Variants in TBX19 observed in about 807,000 individuals in gnomAD.
TBX19 encodes the protein T-box transcription factor TBX19.
TBX19 carries 33 observed loss-of-function variants against 40.9 expected under a neutral mutation model. The ratio of observed to expected loss-of-function variants is 0.81; its 90% confidence interval spans 0.61 to 1.08. The LOEUF (loss-of-function observed/expected upper bound fraction) is 1.08. TBX19 is among the 50% of genes least tolerant of loss of function. The pLI is 0.00. For synonymous variants in TBX19, 220 were observed against 225.0 expected (o/e 0.98, Z 0.20); for missense variants, 494 against 574.0 (o/e 0.86, Z 1.42).
Position 168,313,324 on chromosome 1 carries a change from T to C in TBX19, c.*322T>C. The C allele has an allele frequency of 2.4e-6, 1 of 408,740 alleles. No individual in the cohort carries two copies. The highest frequency in any genetic ancestry group is 4.6e-6 in the Non-Finnish European group (1 of 219,338). 25.3% of individuals were successfully genotyped at this position (408,740 alleles called of 1,614,324 possible). On this transcript the variant is annotated 3_prime_UTR_variant, in exon 8 of 8. Coordinates refer to ENST00000367821, the MANE Select transcript of TBX19 (RefSeq NM_005149.3). Reference sequence around the variant, plus strand: ...TCAAATCGTTCTGGAAAGCCTCACTTCCTTTTCTGTGGAGAAGGTGCAAAG... The same window carrying C: ...TCAAATCGTTCTGGAAAGCCTCACTCCCTTTTCTGTGGAGAAGGTGCAAAG...
intron 3 of TBX19, among the ~76,000 whole-genome samples, chr1:168,297,345 T>C (rs1476379735): frequency 6.6e-6 from 1 of 152,194 alleles, no homozygotes; most frequent in African/African-American, 2.4e-5. Flanking sequence ...TCACATGTAG[T>C]AGGGGATCAA....
intron 1 of TBX19, among the ~76,000 whole-genome samples, chr1:168,289,206 T>C (rs969303341): frequency 6.6e-5 from 10 of 152,218 alleles, no homozygotes; most frequent in Admixed American, 6.5e-4. Context: ...GATGCCCACT[T>C]TTATGATTCT....
chr1:168,301,768 T>TA (rs1440666534), intron 5 of TBX19, among the ~76,000 whole-genome samples: 1 of 152,238 alleles, frequency 6.6e-6, no homozygotes, highest in African/African-American at 2.4e-5. Context: ...CTGTCTACTG[T>TA]AACATGAGCT....
rs1337370108 is a variant in TBX19, at chr1:168,304,898, G to A, written c.728-110G>A. On this transcript the variant is annotated intron_variant, in intron 5 of 7. Coordinates refer to ENST00000367821, the MANE Select transcript of TBX19 (RefSeq NM_005149.3). ...CAGGCTGGCACCATCACACAGGCTG[G>A]CATCAGTGTCATTTACAAGAATTGT... 5 of 1,096,712 alleles carry A rather than the reference G, an allele frequency of 4.6e-6. No individual in the cohort carries two copies. The East Asian group carries it at 1.2e-4, about 26-fold the overall frequency. The allele number at this position is 1,096,712 out of a possible 1,614,324, so 67.9% of individuals were successfully genotyped here.
chr1:168,291,059 C>A lies in TBX19; in HGVS notation c.204-101C>A. 6 of 1,539,448 alleles carry A rather than the reference C, an allele frequency of 3.9e-6. No individual in the cohort carries two copies. The Admixed American group carries it at 1.0e-4, about 26-fold the overall frequency. ...GGGCCCTGTTTATTTGGCCTCCTCA[C>A]AGGGCATTCCGTGGAAGGTCTCAGT... On this transcript the variant is annotated intron_variant, in intron 1 of 7. Coordinates refer to ENST00000367821, the MANE Select transcript of TBX19 (RefSeq NM_005149.3).
At chr1:168,303,311 G>T (rs999202271) in intron 5 of TBX19, among the ~76,000 whole-genome samples, 3 of 152,092 alleles carry the variant, frequency 2.0e-5, no homozygotes, top group African/African-American at 7.2e-5. Context: ...TTGTCCTTGC[G>T]ATAGTTTGCT....
At position 168,312,635 on chromosome 1, in the gene TBX19, A is replaced by G. The variant is rs911925114; in HGVS notation, c.1053-73A>G. ...CCATGCCCTTCTCAGCACTGTGTACATGCTTGTCAGGTGGCACTCCTTCCT... is the reference window on the plus strand; with the variant it reads ...CCATGCCCTTCTCAGCACTGTGTACGTGCTTGTCAGGTGGCACTCCTTCCT... On this transcript the variant is annotated intron_variant, in intron 7 of 7. Transcript: ENST00000367821. 9.7e-6 allele frequency: 15 copies of G among 1,548,268 alleles called. No individual in the cohort carries two copies. The African/African-American group carries it at 1.5e-4, about 15-fold the overall frequency.
In TBX19 at chr1:168,280,976, T is replaced by G; in HGVS notation, c.-115T>G. 3 of 988,810 alleles carry G rather than the reference T, an allele frequency of 3.0e-6. No individual in the cohort carries two copies. In the South Asian group the frequency reaches 4.1e-5, roughly 14 times the overall value. The allele number at this position is 988,810 out of a possible 1,614,324, so 61.3% of individuals were successfully genotyped here. On this transcript the variant is annotated 5_prime_UTR_variant, in exon 1 of 8. Coordinates refer to ENST00000367821, the MANE Select transcript of TBX19 (RefSeq NM_005149.3). The stretch of plus-strand genomic sequence containing the variant: ...CTTAGGCAAGAGCCAGGGTATCTTC[T>G]CTCCGCTCCCCAAGCACTGTTCAAG...
chr1:168,283,968 A>G (rs1648738641), intron 1 of TBX19, among the ~76,000 whole-genome samples: 1 of 152,220 alleles, frequency 6.6e-6, no homozygotes. Flanking sequence ...ACATATATAA[A>G]TAGGAAGCTT....
intron 4 of TBX19, among the ~76,000 whole-genome samples, chr1:168,299,422 A>G (rs1430892783): frequency 6.6e-6 from 1 of 152,160 alleles, no homozygotes; most frequent in Non-Finnish European, 1.5e-5. Flanking sequence ...AGATTAATGG[A>G]CAGATGTTCA....
intron 6 of TBX19, among the ~76,000 whole-genome samples, 169 bp downstream of exon 6, chr1:168,305,365 C>G (rs1392330745): frequency 2.0e-5 from 3 of 151,410 alleles, no homozygotes; most frequent in African/African-American, 7.3e-5. Context: ...ATTTTATGTA[C>G]AAATATTTGA....
At chr1:168,306,399 G>A (rs1003863052) in intron 6 of TBX19, among the ~76,000 whole-genome samples, 1 of 151,996 alleles carries the variant, frequency 6.6e-6, no homozygotes, top group African/African-American at 2.4e-5. Flanking sequence ...AGGCTGAGGC[G>A]GGCGGATCAC....
intron 1 of TBX19, among the ~76,000 whole-genome samples, chr1:168,281,628 G>A (rs1282370936): frequency 2.6e-5 from 4 of 152,192 alleles, no homozygotes; most frequent in East Asian, 1.9e-4. Flanking sequence ...ATACCCTATC[G>A]CAGACCTGAG....
intron 1 of TBX19, among the ~76,000 whole-genome samples, chr1:168,282,826 T>C (rs538017771): frequency 6.6e-6 from 1 of 152,340 alleles, no homozygotes; most frequent in East Asian, 1.9e-4. Flanking sequence ...ATGCTATTGA[T>C]TGGGCTGTCA....
intron 7 of TBX19, 76 bp downstream of exon 7, chr1:168,308,953 T>G: frequency 6.2e-7 from 1 of 1,604,536 alleles, no homozygotes; most frequent in East Asian, 2.2e-5. Context: ...AAGTTCATTC[T>G]TTTTCCTAGG....
At chr1:168,300,946 G>A (rs1649261706) in intron 5 of TBX19, among the ~76,000 whole-genome samples, 1 of 152,180 alleles carries the variant, frequency 6.6e-6, no homozygotes, top group Non-Finnish European at 1.5e-5. Context: ...AAGGCTGTAG[G>A]AAGAGGTGGA....
At chr1:168,284,768 CAAAA>C (rs146281397) in intron 1 of TBX19, among the ~76,000 whole-genome samples, 2,120 of 74,956 alleles carry the variant, frequency 0.028, 20 homozygotes, top group Middle Eastern at 0.085. Flanking sequence ...GACCGTGTCT[CAAAA>C]AAAAAAAAAA....
intron 4 of TBX19, among the ~76,000 whole-genome samples, chr1:168,298,144 CG>C (rs2102357548): frequency 6.6e-6 from 1 of 152,188 alleles, no homozygotes; most frequent in South Asian, 2.1e-4. Context: ...TGCAGTGAGC[CG>C]AGATGGCGCC....
At chr1:168,286,926 G>A (rs1055359268) in intron 1 of TBX19, among the ~76,000 whole-genome samples, 4 of 152,172 alleles carry the variant, frequency 2.6e-5, no homozygotes, top group Admixed American at 1.3e-4. Flanking sequence ...CCATCCTAGT[G>A]GCCATGAAGT....
Sources: allele counts gnomAD v4.1 joint callset (sites outside exome capture counted in the v4.1 genomes callset), GRCh38; gene constraint gnomAD v4.1.1; transcripts MANE v1.5; gene names NCBI Gene and HGNC (gene_info 2026-07-23, HGNC 2026-07-21).